Variants in CFAP47 observed in about 807,000 individuals in gnomAD.
CFAP47 encodes cilia and flagella associated protein 47, also known as cilia- and flagella-associated protein 47.
A neutral mutation model predicts 148.1 loss-of-function variants in CFAP47; 29 were observed. That is an observed-to-expected ratio of 0.20 (90% CI 0.15 to 0.27). CFAP47 has a LOEUF of 0.27. Among genes scored for constraint, CFAP47 ranks in the 10% least tolerant of loss-of-function variants. CFAP47 has a pLI of 1.00. For missense variants in CFAP47, 1,872 were observed against 1,697.5 expected, an observed-to-expected ratio of 1.10 and a Z score of -1.81; for synonymous variants, 664 against 577.3, an observed-to-expected ratio of 1.15 and a Z score of -2.15.
chrX:36,267,412 C>T (rs782009222), intron 49 of CFAP47, among the ~76,000 whole-genome samples: 1 of 110,108 alleles, frequency 9.1e-6, no homozygotes, highest in East Asian at 2.9e-4. Flanking sequence ...CTTGTAGACA[C>T]GAAACCAATC....
intron 57 of CFAP47, among the ~76,000 whole-genome samples, chrX:36,338,035 ATTTTTTTTTTTTT>A (rs1209274928): frequency 8.6e-5 from 4 of 46,599 alleles, no homozygotes; most frequent in Admixed American, 2.7e-4. Flanking sequence ...ACGCCTGGCT[ATTTTTTTTTTTTT>A]TTTTTTTTTT....
intron 33 of CFAP47, among the ~76,000 whole-genome samples, chrX:36,108,659 A>G (rs1051431826): frequency 9.0e-6 from 1 of 110,620 alleles, no homozygotes; most frequent in African/African-American, 3.3e-5. Context: ...TTAGCATCAG[A>G]CTCCTGCCTA....
intron 49 of CFAP47, among the ~76,000 whole-genome samples, chrX:36,278,901 T>C (rs1941047607): frequency 8.9e-6 from 1 of 112,034 alleles, no homozygotes; most frequent in Non-Finnish European, 1.9e-5. Flanking sequence ...GGCTGTCATA[T>C]TGTACAGGAC....
chrX:36,042,539 C>T (rs1170860797), intron 25 of CFAP47, among the ~76,000 whole-genome samples: 1 of 109,376 alleles, frequency 9.1e-6, no homozygotes, highest in South Asian at 3.8e-4. Context: ...CTTATAATAA[C>T]ATCAAAAATT....
chrX:35,927,596 G>GGT (rs371527797), intron 2 of CFAP47, among the ~76,000 whole-genome samples: 2,652 of 106,232 alleles, frequency 0.025, 29 homozygotes, highest in Middle Eastern at 0.033. Flanking sequence ...GTTGAAGGAA[G>GGT]GTGTGTGTGT....
intron 33 of CFAP47, among the ~76,000 whole-genome samples, chrX:36,112,358 C>T (rs1407697730): frequency 1.8e-5 from 2 of 111,512 alleles, no homozygotes; most frequent in African/African-American, 6.5e-5. Flanking sequence ...TTTCATTATT[C>T]ACCCAAAAGT....
At chrX:36,383,987 G>C (rs1486609080) in intron 63 of CFAP47, among the ~76,000 whole-genome samples, 3 of 111,552 alleles carry the variant, frequency 2.7e-5, no homozygotes, top group Non-Finnish European at 5.6e-5. Flanking sequence ...CTACTCACTT[G>C]GATTTAGATG....
intron 49 of CFAP47, among the ~76,000 whole-genome samples, chrX:36,272,152 A>G (rs1940966672): frequency 8.9e-6 from 1 of 112,211 alleles, no homozygotes; most frequent in South Asian, 3.6e-4. Flanking sequence ...CAGAGCTTTC[A>G]ATGGAAATTT....
chrX:36,212,291 C>A (rs1385051138), intron 45 of CFAP47, among the ~76,000 whole-genome samples: 1 of 112,197 alleles, frequency 8.9e-6, no homozygotes, highest in Non-Finnish European at 1.9e-5. Context: ...CCAAACTGGT[C>A]TAATTACTAT....
intron 15 of CFAP47, among the ~76,000 whole-genome samples, chrX:35,983,432 T>C (rs1235399901): frequency 8.9e-6 from 1 of 111,827 alleles, no homozygotes; most frequent in African/African-American, 3.2e-5. Flanking sequence ...TCTTTGGATG[T>C]CTTTTATTTA....
chrX:36,236,628 G>A (rs182264784), intron 47 of CFAP47, 58 bp from the exon 48 acceptor site: 176 of 482,116 alleles, frequency 3.7e-4, no homozygotes, highest in African/African-American at 3.7e-3. Context: ...GATAGCAGAG[G>A]TTGTTTAACA....
intron 39 of CFAP47, among the ~76,000 whole-genome samples, chrX:36,175,899 C>A (rs1602028907): frequency 1.8e-5 from 2 of 113,236 alleles, no homozygotes; most frequent in East Asian, 5.6e-4. Flanking sequence ...CTCCCCCAGC[C>A]TCGCTGCCGC....
intron 57 of CFAP47, among the ~76,000 whole-genome samples, chrX:36,346,237 A>T (rs1258393887): frequency 9.1e-6 from 1 of 109,859 alleles, no homozygotes; most frequent in Non-Finnish European, 1.9e-5. Context: ...GTTTTTTTTT[A>T]AATACATTCT....
chrX:36,318,891 C>T (rs1941457230), intron 56 of CFAP47, among the ~76,000 whole-genome samples: 1 of 111,330 alleles, frequency 9.0e-6, no homozygotes, highest in Non-Finnish European at 1.9e-5. Flanking sequence ...CCAGACTGGC[C>T]TTGAACTCTT....
intron 51 of CFAP47, among the ~76,000 whole-genome samples, chrX:36,291,297 A>G (rs1295735643): frequency 1.8e-5 from 2 of 112,293 alleles, no homozygotes; most frequent in Non-Finnish European, 3.8e-5. Context: ...ATGAAAAATT[A>G]TAATTGTTTT....
intron 57 of CFAP47, among the ~76,000 whole-genome samples, chrX:36,339,666 T>C (rs1219602280): frequency 8.9e-6 from 1 of 111,892 alleles, no homozygotes; most frequent in African/African-American, 3.3e-5. Flanking sequence ...TCCTTCATTG[T>C]GCATCCTATC....
At chrX:36,323,748 A>T (rs1257901806) in intron 57 of CFAP47, among the ~76,000 whole-genome samples, 1 of 105,725 alleles carries the variant, frequency 9.5e-6, no homozygotes, top group Non-Finnish European at 1.9e-5. Flanking sequence ...TTCTTTCAGA[A>T]ATTTTATAAT....
chrX:36,077,710 A>T lies in CFAP47; in HGVS notation c.4691+4346A>T, dbSNP rs188464354. 2.7e-5 allele frequency among the ~76,000 whole-genome samples: 3 copies of T among 111,608 alleles called. No individual in the cohort carries two copies. The East Asian group carries it at 8.5e-4, about 32-fold the overall frequency. ...TGTTAAGAGGAATGTTTATAATGCT[A>T]AACACCTACCTCAAAAATTAGAAAG... On this transcript the variant is annotated intron_variant, in intron 29 of 63. Coordinates refer to ENST00000378653, the MANE Select transcript of CFAP47 (RefSeq NM_001304548.2).
chrX:36,190,610 C>T (rs1256029655), intron 42 of CFAP47, among the ~76,000 whole-genome samples: 1 of 112,345 alleles, frequency 8.9e-6, no homozygotes, highest in Non-Finnish European at 1.9e-5. Flanking sequence ...GCTGGATTCT[C>T]TTCAGAGGTT....
Sources: gnomAD v4.1 joint callset for allele counts (sites outside exome capture counted in the v4.1 genomes callset) on GRCh38, gnomAD v4.1.1 for gene constraint, MANE v1.5 for transcripts, NCBI Gene and HGNC (gene_info 2026-07-23, HGNC 2026-07-21) for gene names.